Variants in RAB3IP observed in about 807,000 individuals in gnomAD.
The protein encoded by RAB3IP is rab-3A-interacting protein.
A neutral mutation model predicts 59.1 loss-of-function variants in RAB3IP; 36 were observed. The ratio of observed to expected loss-of-function variants is 0.61; its 90% CI spans 0.47 to 0.80. The LOEUF (loss-of-function observed/expected upper bound fraction) is 0.80, where lower values mean the gene tolerates loss of function less well. Among genes scored for constraint, RAB3IP ranks in the 30% least tolerant of loss-of-function variants. RAB3IP has a pLI of 0.00. For synonymous variants in RAB3IP, 207 were observed against 191.2 expected, an observed-to-expected ratio of 1.08 and a Z score of -0.68; for missense variants, 511 against 536.0, an observed-to-expected ratio of 0.95 and a Z score of 0.46.
chr12:69,817,314 C>G lies in RAB3IP; in HGVS notation c.*1868C>G, dbSNP rs953187715. On this transcript the variant is annotated 3_prime_UTR_variant, in exon 11 of 11. Coordinates refer to ENST00000247833, the MANE Select transcript of RAB3IP (RefSeq NM_022456.5). ...AGCATGCTCTTTAAAATTAATGCAA[C>G]AGGATGACGACTTGATGTAGAAACT... 2 of 151,858 alleles carry G rather than the reference C, an allele frequency of 1.3e-5. No individual in the cohort carries two copies. The highest frequency in any genetic ancestry group is 2.9e-5 in the Non-Finnish European group (2 of 67,982). 9.4% of individuals were successfully genotyped at this position (151,858 alleles called of 1,614,324 possible). A position where few individuals can be genotyped will look rare whatever the true frequency, so the allele number is the denominator to read the frequency against.
At chr12:69,762,756 C>CAAAAAAAAAAAAAAAA (rs11445702) in intron 3 of RAB3IP, among the ~76,000 whole-genome samples, 18 of 76,750 alleles carry the variant, frequency 2.3e-4, no homozygotes, top group Admixed American at 3.9e-4. Context: ...GACTCCGTCT[C>CAAAAAAAAAAAAAAAA]AAAAAAAAAA....
chr12:69,814,221 A>G (rs1880854530), intron 10 of RAB3IP, among the ~76,000 whole-genome samples: 1 of 152,202 alleles, frequency 6.6e-6, no homozygotes, highest in Non-Finnish European at 1.5e-5. Context: ...TTAAATAAGA[A>G]GCTTGGAAAG....
At chr12:69,803,349 G>A (rs1482675060) in intron 8 of RAB3IP, among the ~76,000 whole-genome samples, 4 of 152,104 alleles carry the variant, frequency 2.6e-5, no homozygotes, top group Admixed American at 2.0e-4. Context: ...GGCTTTGGCC[G>A]TGGTTCTTGT....
chr12:69,792,017 C>T (rs1045267820), intron 4 of RAB3IP, among the ~76,000 whole-genome samples: 8 of 152,056 alleles, frequency 5.3e-5, no homozygotes, highest in East Asian at 1.9e-4. Context: ...ACAACATGAG[C>T]GAACCTGGAG....
At chr12:69,741,070 A>G (rs968349247) in intron 1 of RAB3IP, among the ~76,000 whole-genome samples, 2 of 152,330 alleles carry the variant, frequency 1.3e-5, no homozygotes, top group African/African-American at 4.8e-5. Flanking sequence ...GCTGTTTTTT[A>G]TGTTTCAACC....
chr12:69,806,333 A>G (rs924897489), intron 8 of RAB3IP, among the ~76,000 whole-genome samples: 3 of 152,148 alleles, frequency 2.0e-5, no homozygotes, highest in Admixed American at 6.5e-5. Context: ...CTGTGGGAGC[A>G]GTGGTGATAT....
chr12:69,786,074 TG>T lies in RAB3IP; in HGVS notation c.606+1266del, dbSNP rs568713380. ...CTTAAAACTTTTATTATAATAAACT[TG>T]GGGGGGTGGAAATTCCATCACCTTT... On this transcript the variant is annotated intron_variant, in intron 4 of 10. Coordinates refer to ENST00000247833, the MANE Select transcript of RAB3IP (RefSeq NM_022456.5). 2.9e-3 allele frequency among the ~76,000 whole-genome samples: 437 copies of T among 152,288 alleles called. 1 individual carries two copies. The highest frequency in any genetic ancestry group is 6.8e-3 in the Middle Eastern group (2 of 294).
At chr12:69,772,591 T>TA (rs1235326580) in intron 3 of RAB3IP, among the ~76,000 whole-genome samples, 1 of 152,200 alleles carries the variant, frequency 6.6e-6, no homozygotes, top group Non-Finnish European at 1.5e-5. Flanking sequence ...GCTTTGTGGT[T>TA]ACCATGAGGC....
intron 3 of RAB3IP, among the ~76,000 whole-genome samples, chr12:69,759,311 T>G (rs191062474): frequency 0.025 from 3,710 of 150,920 alleles, 62 homozygotes; most frequent in Non-Finnish European, 0.037. Context: ...GGTAAGGTCA[T>G]AGATCAACAG....
intron 1 of RAB3IP, among the ~76,000 whole-genome samples, chr12:69,751,418 G>C (rs1202180958): frequency 1.3e-5 from 2 of 152,120 alleles, no homozygotes; most frequent in African/African-American, 4.8e-5. Flanking sequence ...GTATTACTCT[G>C]AGTACATGGG....
chr12:69,774,956 A>G (rs1836729430), intron 3 of RAB3IP, among the ~76,000 whole-genome samples: 1 of 18,246 alleles, frequency 5.5e-5, no homozygotes, highest in African/African-American at 1.2e-4. Context: ...GAAGAAAGTC[A>G]TTGGTAGCTT....
chr12:69,765,552 G>T (rs1872054587), intron 3 of RAB3IP, among the ~76,000 whole-genome samples: 1 of 152,140 alleles, frequency 6.6e-6, no homozygotes, highest in African/African-American at 2.4e-5. Flanking sequence ...GTATTTTGTT[G>T]AGGATTTTTG....
At chr12:69,760,777 T>G (rs1871189993) in intron 3 of RAB3IP, among the ~76,000 whole-genome samples, 1 of 152,230 alleles carries the variant, frequency 6.6e-6, no homozygotes, top group South Asian at 2.1e-4. Context: ...GCTGTTACCC[T>G]TACCTTTGTT....
chr12:69,789,021 A>G (rs573236039), intron 4 of RAB3IP, among the ~76,000 whole-genome samples: 3 of 152,204 alleles, frequency 2.0e-5, no homozygotes, highest in African/African-American at 7.2e-5. Context: ...ACAACGTACC[A>G]AAACTTAAGA....
rs535223007 is a variant in RAB3IP at position 69,786,170 on chromosome 12, A to G, written c.606+1355A>G. ...TGTATTCTTACTTAGTTGTAATTTA[A>G]TATTTTGTGTTTTTCTAAATAACAT... On this transcript the variant is annotated intron_variant, in intron 4 of 10. Coordinates refer to ENST00000247833, the MANE Select transcript of RAB3IP (RefSeq NM_022456.5). Among the ~76,000 whole-genome samples, 35 of 152,188 alleles carry G rather than the reference A, an allele frequency of 2.3e-4. No homozygotes were observed. The East Asian group carries it at 4.1e-3, about 18-fold the overall frequency.
At chr12:69,808,069 C>A (rs1427514893) in intron 8 of RAB3IP, among the ~76,000 whole-genome samples, 1 of 152,066 alleles carries the variant, frequency 6.6e-6, no homozygotes, top group Non-Finnish European at 1.5e-5. Flanking sequence ...TGAATGCGTC[C>A]CAGAGATTCT....
chr12:69,809,349 A>T (rs145037671), intron 8 of RAB3IP, among the ~76,000 whole-genome samples: 6,379 of 152,024 alleles, frequency 0.042, 138 homozygotes, highest in Non-Finnish European at 0.048. Context: ...CCTTTATTTC[A>T]ACTTTGGTGA....
At chr12:69,768,759 A>C (rs887684745) in intron 3 of RAB3IP, among the ~76,000 whole-genome samples, 1 of 152,074 alleles carries the variant, frequency 6.6e-6, no homozygotes, top group African/African-American at 2.4e-5. Context: ...TCCAGTGTCT[A>C]CTACTCCAGT....
Position 69,756,436 on chromosome 12 carries a change from A to G in RAB3IP, c.283A>G (p.Thr95Ala). 1 of 1,614,070 alleles carries G rather than the reference A, an allele frequency of 6.2e-7. No individual in the cohort carries two copies. The highest frequency in any genetic ancestry group is 8.5e-7 in the Non-Finnish European group (1 of 1,179,952). ...FHVTDPAPCS[T>A]SGVTAGLTKL... The stretch of plus-strand genomic sequence containing the variant: ...TGTTACAGACCCAGCCCCTTGCTCT[A>G]CCTCTGGAGTCACAGCTGGATTAAC... Residue 95 changes from threonine (T) to alanine (A), a missense_variant, in exon 3 of 11, where the codon ACC becomes GCC. By Grantham distance (58) the Thr-to-Ala change is moderately conservative. Coordinates refer to ENST00000247833, the MANE Select transcript of RAB3IP (RefSeq NM_022456.5).
Sources: allele counts gnomAD v4.1 joint callset (sites outside exome capture counted in the v4.1 genomes callset), GRCh38; gene constraint gnomAD v4.1.1; transcripts MANE v1.5; gene names NCBI Gene and HGNC (gene_info 2026-07-23, HGNC 2026-07-21).